Variants in PDE4D observed in about 807,000 individuals in gnomAD.
PDE4D encodes the protein 3',5'-cyclic-AMP phosphodiesterase 4D.
In PDE4D, 24 loss-of-function variants were observed where a neutral mutation model predicts 87.4. The ratio of observed to expected loss-of-function variants is 0.27; its 90% confidence interval spans 0.20 to 0.39. The LOEUF is 0.39. PDE4D is among the 10% of genes least tolerant of loss of function. The pLI is 1.00. For missense variants in PDE4D, 714 were observed against 1,041.0 expected (o/e 0.69, Z 4.32); for synonymous variants, 384 against 383.2 (o/e 1.00, Z -0.02).
intron 1 of PDE4D, among the ~76,000 whole-genome samples, chr5:59,432,487 A>G (rs1335051074): frequency 6.6e-6 from 1 of 152,122 alleles, no homozygotes; most frequent in African/African-American, 2.4e-5. Flanking sequence ...ATGGATTGCT[A>G]GCTTACAAAT....
At chr5:60,518,154 C>T (rs1366739646) in intron 1 of PDE4D, among the ~76,000 whole-genome samples, 2 of 152,250 alleles carry the variant, frequency 1.3e-5, no homozygotes, top group African/African-American at 4.8e-5. Context: ...CCTGCTTCAG[C>T]TGGCATGACT....
chr5:59,637,893 A>T (rs1740866535), intron 1 of PDE4D, among the ~76,000 whole-genome samples: 1 of 152,202 alleles, frequency 6.6e-6, no homozygotes, highest in Non-Finnish European at 1.5e-5. Context: ...ATAATAAGGT[A>T]CTATTCTGCT....
intron 11 of PDE4D, among the ~76,000 whole-genome samples, chr5:58,978,842 C>T (rs911530829): frequency 3.9e-5 from 6 of 151,940 alleles, no homozygotes; most frequent in African/African-American, 9.7e-5. Flanking sequence ...CTTTATGAAC[C>T]TTTATCTACA....
chr5:60,468,396 C>T (rs1235643516), intron 1 of PDE4D, among the ~76,000 whole-genome samples: 1 of 152,048 alleles, frequency 6.6e-6, no homozygotes, highest in Non-Finnish European at 1.5e-5. Flanking sequence ...GCCTCAGCAT[C>T]CCAAAATGCA....
At chr5:59,748,097 T>G (rs1344679777) in intron 1 of PDE4D, among the ~76,000 whole-genome samples, 1 of 152,202 alleles carries the variant, frequency 6.6e-6, no homozygotes, top group Admixed American at 6.5e-5. Flanking sequence ...TAAGGAGGCC[T>G]TCACCTCCAG....
At chr5:59,615,304 T>C (rs1829526528) in intron 1 of PDE4D, among the ~76,000 whole-genome samples, 1 of 152,186 alleles carries the variant, frequency 6.6e-6, no homozygotes, top group African/African-American at 2.4e-5. Flanking sequence ...TATGTTTGAA[T>C]TGGGAGTAGT....
At chr5:60,378,918 C>T (rs1435304220) in intron 1 of PDE4D, among the ~76,000 whole-genome samples, 1 of 151,872 alleles carries the variant, frequency 6.6e-6, no homozygotes, top group Non-Finnish European at 1.5e-5. Context: ...AGAAAGAAAG[C>T]AGTATGTTGC....
intron 1 of PDE4D, chr5:59,587,049 T>A: frequency 1.1e-6 from 1 of 940,234 alleles, no homozygotes; most frequent in Non-Finnish European, 1.3e-6. Flanking sequence ...AGGCAATGAG[T>A]AATTTCTGCT....
intron 1 of PDE4D, among the ~76,000 whole-genome samples, chr5:59,802,743 T>C (rs965905256): frequency 1.3e-5 from 2 of 151,992 alleles, no homozygotes; most frequent in Admixed American, 6.6e-5. Flanking sequence ...TTTATCAGTA[T>C]GTAAATTGTG....
At chr5:59,182,577 T>A (rs1380529867) in intron 4 of PDE4D, among the ~76,000 whole-genome samples, 1 of 152,082 alleles carries the variant, frequency 6.6e-6, no homozygotes, top group African/African-American at 2.4e-5. Flanking sequence ...AAACCATTGA[T>A]TTTGTCTGGG....
At chr5:59,257,713 C>T (rs553509726) in intron 1 of PDE4D, among the ~76,000 whole-genome samples, 1 of 152,010 alleles carries the variant, frequency 6.6e-6, no homozygotes, top group East Asian at 1.9e-4. Flanking sequence ...AAAGTGAGAT[C>T]TTACACCTAA....
chr5:59,760,695 A>C (rs1761861437), intron 1 of PDE4D, among the ~76,000 whole-genome samples: 1 of 152,222 alleles, frequency 6.6e-6, no homozygotes, highest in Non-Finnish European at 1.5e-5. Flanking sequence ...ATAAATAACA[A>C]ACCTGATGCA....
At chr5:59,023,139 C>A (rs1456552474) in intron 6 of PDE4D, among the ~76,000 whole-genome samples, 1 of 150,746 alleles carries the variant, frequency 6.6e-6, no homozygotes, top group Non-Finnish European at 1.5e-5. Context: ...CACGCCATTG[C>A]ACTCCAGTCC....
intron 1 of PDE4D, among the ~76,000 whole-genome samples, chr5:60,293,214 A>G (rs1291993638): frequency 6.6e-6 from 1 of 152,096 alleles, no homozygotes; most frequent in Non-Finnish European, 1.5e-5. Flanking sequence ...AACACTGACT[A>G]CCAATTTACT....
At chr5:59,570,120 T>G (rs1821581511) in intron 1 of PDE4D, among the ~76,000 whole-genome samples, 2 of 152,194 alleles carry the variant, frequency 1.3e-5, no homozygotes, top group African/African-American at 4.8e-5. Context: ...GGCCCTCCTG[T>G]GATGACACAG....
intron 1 of PDE4D, among the ~76,000 whole-genome samples, chr5:59,667,565 A>G (rs368247519): frequency 6.6e-6 from 1 of 152,120 alleles, no homozygotes; most frequent in African/African-American, 2.4e-5. Flanking sequence ...GCATCTTCTC[A>G]TGATTTCCCT....
At chr5:60,461,059 G>A (rs1383583674) in intron 1 of PDE4D, among the ~76,000 whole-genome samples, 3 of 151,968 alleles carry the variant, frequency 2.0e-5, no homozygotes, top group African/African-American at 7.3e-5. Flanking sequence ...TTATATAATA[G>A]TTAGTTCTTT....
At chr5:59,252,679 G>A (rs549549062) in intron 1 of PDE4D, among the ~76,000 whole-genome samples, 149 of 151,974 alleles carry the variant, frequency 9.8e-4, no homozygotes, top group Non-Finnish European at 1.0e-3. Flanking sequence ...GTGCAACCAC[G>A]CCTGGAGAAT....
chr5:59,794,811 A>G (rs938163044), intron 1 of PDE4D, among the ~76,000 whole-genome samples: 5 of 152,200 alleles, frequency 3.3e-5, no homozygotes, highest in African/African-American at 1.2e-4. Context: ...GATCCTTCAT[A>G]TAACACTTTT....
Sources: gnomAD v4.1 joint callset for allele counts (sites outside exome capture counted in the v4.1 genomes callset) on GRCh38, gnomAD v4.1.1 for gene constraint, MANE v1.5 for transcripts, NCBI Gene and HGNC (gene_info 2026-07-23, HGNC 2026-07-21) for gene names.